UBE2D4: variants seen among roughly 807,000 people sequenced by gnomAD.
The protein encoded by UBE2D4 is ubiquitin conjugating enzyme E2 D4.
In UBE2D4, 17 loss-of-function variants were observed where a neutral mutation model predicts 23.0. The ratio of observed to expected loss-of-function variants is 0.74; its 90% CI spans 0.51 to 1.11. UBE2D4 has a LOEUF of 1.11. Ranked by LOEUF, UBE2D4 falls within the 50% of genes least tolerant of loss-of-function variation. The pLI, the probability that UBE2D4 is intolerant of heterozygous loss-of-function variation, is 0.00. For synonymous variants in UBE2D4, 61 were observed against 69.4 expected (o/e 0.88, Z 0.60); for missense variants, 139 against 181.8 (o/e 0.76, Z 1.35).
intron 1 of UBE2D4, among the ~76,000 whole-genome samples, chr7:43,933,003 T>TAC (rs2095949679): frequency 7.5e-6 from 1 of 132,770 alleles, no homozygotes; most frequent in African/African-American, 2.8e-5. Context: ...TATATATATA[T>TAC]ATATATATAT....
At chr7:43,931,729 G>T (rs1422520967) in intron 1 of UBE2D4, among the ~76,000 whole-genome samples, 2 of 152,004 alleles carry the variant, frequency 1.3e-5, no homozygotes, top group African/African-American at 2.4e-5. Context: ...TTGAGACAGG[G>T]TCTCTGTCAC....
At chr7:43,950,730 G>A (rs1169685447) in intron 6 of UBE2D4, 38 bp downstream of exon 6, 1 of 1,525,970 alleles carries the variant, frequency 6.6e-7, no homozygotes, top group South Asian at 1.1e-5. Flanking sequence ...CACCATGGCT[G>A]CCCCAGGCAG....
At chr7:43,946,327 G>A (rs576251347) in intron 4 of UBE2D4, 2 of 152,178 alleles carry the variant, frequency 1.3e-5, no homozygotes, top group South Asian at 2.1e-4. Flanking sequence ...ATGTGTGGCT[G>A]TGGTTTAAAA....
intron 1 of UBE2D4, 81 bp downstream of exon 1, chr7:43,926,637 A>T (rs2095931422): frequency 1.4e-6 from 2 of 1,407,656 alleles, no homozygotes; most frequent in South Asian, 2.9e-5. Flanking sequence ...GTGAAGTGAA[A>T]GGTGACGGAG....
intron 6 of UBE2D4, 150 bp downstream of exon 6, chr7:43,950,842 G>T: frequency 1.6e-6 from 1 of 645,026 alleles, no homozygotes; most frequent in Non-Finnish European, 2.7e-6. Context: ...GGTGTGCCCT[G>T]GGCTTGGACT....
Position 43,934,960 on chromosome 7 carries a change from T to C in UBE2D4, c.25-3471T>C, listed in dbSNP as rs143075105. 4.0e-5 allele frequency among the ~76,000 whole-genome samples: 6 copies of C among 151,846 alleles called. No individual in the cohort carries two copies. In the East Asian group the frequency reaches 1.2e-3, roughly 29 times the overall value. On this transcript the variant is annotated intron_variant, in intron 1 of 6. Coordinates refer to ENST00000222402, the MANE Select transcript of UBE2D4 (RefSeq NM_015983.4). ...CCATGTGGTATTTTAGGTACTCAACTCAGGGAAAAAAAAAATGTAACATAG... is the reference window on the plus strand; with the variant it reads ...CCATGTGGTATTTTAGGTACTCAACCCAGGGAAAAAAAAAATGTAACATAG...
intron 1 of UBE2D4, 126 bp downstream of exon 1, chr7:43,926,682 G>T (rs2095931658): frequency 8.8e-6 from 9 of 1,024,756 alleles, no homozygotes; most frequent in Non-Finnish European, 1.2e-5. Flanking sequence ...GCCTGGGAAG[G>T]AGGCAGAACA....
chr7:43,932,799 AT>A (rs2095948792), intron 1 of UBE2D4, among the ~76,000 whole-genome samples: 1 of 151,674 alleles, frequency 6.6e-6, no homozygotes, highest in Non-Finnish European at 1.5e-5. Context: ...TCTCAAAAAA[AT>A]AATAAAAATA....
intron 1 of UBE2D4, 69 bp from the exon 2 acceptor site, chr7:43,938,362 A>G: frequency 6.7e-7 from 1 of 1,487,764 alleles, no homozygotes; most frequent in Non-Finnish European, 9.4e-7. Context: ...CCTTCCAGCT[A>G]CCAAGATTGG....
chr7:43,943,042 T>C lies in UBE2D4; in HGVS notation c.198+11T>C. The C allele has an allele frequency of 6.2e-7, 1 of 1,613,406 alleles. No homozygotes were observed. The highest frequency in any genetic ancestry group is 8.5e-7 in the Non-Finnish European group (1 of 1,179,396). ...TTCAAGCCCCCAAAGGTGAGGTCCCTCTCCCAACTCCCCTGATGTTTGGAT... is the reference window on the plus strand; with the variant it reads ...TTCAAGCCCCCAAAGGTGAGGTCCCCCTCCCAACTCCCCTGATGTTTGGAT... On this transcript the variant is annotated intron_variant, in intron 4 of 6. Transcript: ENST00000222402.
At chr7:43,938,677 A>C (rs1032902948) in intron 2 of UBE2D4, among the ~76,000 whole-genome samples, 183 bp downstream of exon 2, 1 of 152,224 alleles carries the variant, frequency 6.6e-6, no homozygotes, top group African/African-American at 2.4e-5. Context: ...CTCTACTAAA[A>C]GTACAAAAAT....
intron 2 of UBE2D4, among the ~76,000 whole-genome samples, 155 bp downstream of exon 2, chr7:43,938,649 A>C (rs1274244100): frequency 6.6e-6 from 1 of 152,230 alleles, no homozygotes; most frequent in Non-Finnish European, 1.5e-5. Context: ...TAGCCTGGCT[A>C]ACATGGCGAA....
chr7:43,934,661 A>T (rs963480804), intron 1 of UBE2D4, among the ~76,000 whole-genome samples: 1 of 151,490 alleles, frequency 6.6e-6, no homozygotes, highest in African/African-American at 2.4e-5. Context: ...TCCCACAAGA[A>T]GAAAAAGTAC....
At chr7:43,942,598 T>C (rs2095975572) in intron 2 of UBE2D4, 3 of 621,148 alleles carry the variant, frequency 4.8e-6, no homozygotes, top group Non-Finnish European at 8.6e-6. Flanking sequence ...CCTATGTTGT[T>C]TCCCTGTGAT....
chr7:43,926,471 C>G lies in UBE2D4; in HGVS notation c.-62C>G. 1 of 1,407,316 alleles carries G rather than the reference C, an allele frequency of 7.1e-7. No homozygotes were observed. Among genetic ancestry groups the G allele is most frequent in the Non-Finnish European group, 9.4e-7 (1 of 1,068,988 alleles). 87.2% of individuals were successfully genotyped at this position (1,407,316 alleles called of 1,614,324 possible). A position where few individuals can be genotyped will look rare whatever the true frequency, so the allele number is the denominator to read the frequency against. ...GCGTGCAGCTTGGTGGCGGCTGAGC[C>G]GGCAGCGGGCCGCCTCAGGCAGCCC... On this transcript the variant is annotated 5_prime_UTR_variant, in exon 1 of 7. Coordinates refer to ENST00000222402, the MANE Select transcript of UBE2D4 (RefSeq NM_015983.4).
rs1415936513 is a variant in UBE2D4 at position 43,952,748 on chromosome 7, T to G, written c.*53T>G. The G allele has an allele frequency of 4.0e-6, 6 of 1,507,834 alleles. No individual in the cohort carries two copies. The highest frequency in any genetic ancestry group is 1.4e-5 in the African/African-American group (1 of 72,654). The allele number at this position is 1,507,834 out of a possible 1,614,324, so 93.4% of individuals were successfully genotyped here. On this transcript the variant is annotated 3_prime_UTR_variant, in exon 7 of 7. Coordinates refer to ENST00000222402, the MANE Select transcript of UBE2D4 (RefSeq NM_015983.4). ...TGTCCAAGAGAAGCTGGCAGAGAGG[T>G]CTTCCCTTAAAACTTTGGGCTGTTG...
intron 1 of UBE2D4, among the ~76,000 whole-genome samples, chr7:43,933,018 A>ATATGTATGTGTGTATATATAT (rs1312639933): frequency 7.1e-6 from 1 of 141,202 alleles, no homozygotes; most frequent in Non-Finnish European, 1.5e-5. Context: ...ATATATACAC[A>ATATGTATGTGTGTATATATAT]CACATATATA....
intron 4 of UBE2D4, 42 bp from the exon 5 acceptor site, chr7:43,948,590 G>A (rs2095993895): frequency 3.0e-6 from 4 of 1,325,708 alleles, no homozygotes; most frequent in Non-Finnish European, 3.2e-6. Context: ...TTTCCCACAC[G>A]TCCCTGTGGT....
In UBE2D4 at chr7:43,952,534, A is replaced by G; in HGVS notation, c.399-116A>G. On this transcript the variant is annotated intron_variant, in intron 6 of 6. Coordinates refer to ENST00000222402, the MANE Select transcript of UBE2D4 (RefSeq NM_015983.4). ...TATTCCACTCACCCATCAGCCGTAG[A>G]TGTTTGACAAGCAGCAGCAGCAGCA... 1.3e-5 allele frequency: 12 copies of G among 915,056 alleles called. No homozygotes were observed. In the South Asian group the frequency reaches 1.6e-4, roughly 12 times the overall value. 56.7% of individuals were successfully genotyped at this position (915,056 alleles called of 1,614,324 possible).
Sources: gnomAD v4.1 joint callset for allele counts (sites outside exome capture counted in the v4.1 genomes callset) on GRCh38, gnomAD v4.1.1 for gene constraint, MANE v1.5 for transcripts, NCBI Gene and HGNC (gene_info 2026-07-23, HGNC 2026-07-21) for gene names.